BRIP1: variants seen among roughly 807,000 people sequenced by gnomAD.
BRIP1 encodes BRCA1 interacting DNA helicase 1.
A neutral mutation model predicts 119.7 loss-of-function variants in BRIP1; 88 were observed. The ratio of observed to expected loss-of-function variants is 0.74; its 90% CI spans 0.62 to 0.88. BRIP1 has a LOEUF of 0.88. Among genes scored for constraint, BRIP1 ranks in the 40% least tolerant of loss-of-function variants. BRIP1 has a pLI of 0.00. For missense variants in BRIP1, 1,259 were observed against 1,455.4 expected, an observed-to-expected ratio of 0.87 and a Z score of 2.20; for synonymous variants, 443 against 496.5, an observed-to-expected ratio of 0.89 and a Z score of 1.43.
At chr17:61,728,362 A>G (rs570112480) in intron 16 of BRIP1, among the ~76,000 whole-genome samples, 1 of 152,076 alleles carries the variant, frequency 6.6e-6, no homozygotes, top group East Asian at 1.9e-4. Context: ...CACCTGTCAG[A>G]GAAACTGCCT....
rs1270841086 is a variant in BRIP1 at position 61,759,411 on chromosome 17, C to T, written c.2098-14820G>A. Among the ~76,000 whole-genome samples the T allele has an allele frequency of 6.6e-6, 1 of 151,964 alleles. No individual in the cohort carries two copies. The highest frequency in any genetic ancestry group is 2.4e-5 in the African/African-American group (1 of 41,384). ...TACACATGCACCTAACATCAAAGTA[C>T]CTAAATATATAAAGCAAGTATTAAA... On this transcript the variant is annotated intron_variant, in intron 14 of 19. Transcript: ENST00000259008. This position sits in a 1 kb window ranked among gnomAD's most constrained non-coding sequence, Gnocchi z 4.9.
chr17:61,721,886 TTTTG>T (rs200725187), intron 16 of BRIP1, among the ~76,000 whole-genome samples: 45 of 147,276 alleles, frequency 3.1e-4, no homozygotes, highest in East Asian at 6.2e-4. Context: ...TATATATATT[TTTTG>T]TTTGTTTGTT....
rs1240805744 is a variant in BRIP1, at chr17:61,687,971, C to T, written c.2576-1806G>A. Among the ~76,000 whole-genome samples the T allele has an allele frequency of 1.3e-5, 2 of 152,164 alleles. No homozygotes were observed. The highest frequency in any genetic ancestry group is 2.4e-5 in the African/African-American group (1 of 41,422). On this transcript the variant is annotated intron_variant, in intron 18 of 19. Coordinates refer to ENST00000259008, the MANE Select transcript of BRIP1 (RefSeq NM_032043.3). The surrounding 1 kb of genome is among the most constrained non-coding windows in gnomAD (Gnocchi z 5.1). ...GCCCAGGGGCCACTAAGAACAAAAG[C>T]GCTGTGCAGCAAGTTTCTGCTCCAC...
rs2076764970 is a variant in BRIP1, at chr17:61,726,267, A to C, written c.2380-10204T>G. ...AGACTGTGTGCCAACCTTACCTTAGAGAATTGGTTGAAGAAATAAATGACA... is the reference window on the plus strand; with the variant it reads ...AGACTGTGTGCCAACCTTACCTTAGCGAATTGGTTGAAGAAATAAATGACA... On this transcript the variant is annotated intron_variant, in intron 16 of 19. Transcript: ENST00000259008. The surrounding 1 kb of genome is among the most constrained non-coding windows in gnomAD (Gnocchi z 6.2). Among the ~76,000 whole-genome samples, 1 of 152,348 alleles carries C rather than the reference A, an allele frequency of 6.6e-6. No individual in the cohort carries two copies. The highest frequency in any genetic ancestry group is 1.9e-4 in the East Asian group (1 of 5,188).
rs550152724 is a variant in BRIP1 at position 61,736,135 on chromosome 17, G to A, written c.2379+6878C>T. 6.6e-6 allele frequency among the ~76,000 whole-genome samples: 1 copy of A among 151,226 alleles called. No homozygotes were observed. The highest frequency in any genetic ancestry group is 2.4e-5 in the African/African-American group (1 of 41,092). On this transcript the variant is annotated intron_variant, in intron 16 of 19. Coordinates refer to ENST00000259008, the MANE Select transcript of BRIP1 (RefSeq NM_032043.3). This position sits in a 1 kb window ranked among gnomAD's most constrained non-coding sequence, Gnocchi z 4.4. ...AAGGCCAGGAGTTCAAGGCCAGCTT[G>A]TACAACATAGCAAGACCTCGCCTCT...
At position 61,809,345 on chromosome 17, in the gene BRIP1, G is replaced by A. The variant is rs2078127889; in HGVS notation, c.628-588C>T. Among the ~76,000 whole-genome samples the A allele has an allele frequency of 1.3e-5, 2 of 152,258 alleles. No individual in the cohort carries two copies. The highest frequency in any genetic ancestry group is 3.9e-4 in the East Asian group (2 of 5,192). On this transcript the variant is annotated intron_variant, in intron 6 of 19. Transcript: ENST00000259008. The surrounding 1 kb of genome is among the most constrained non-coding windows in gnomAD (Gnocchi z 5.2). ...TATTAATATTTAATAATGAAAGCAG[G>A]TTGCTTGTGTGGAACAAGTATATCT...
rs2061591738 is a variant in BRIP1 at position 61,700,139 on chromosome 17, G to A, written c.2493-6627C>T. On this transcript the variant is annotated intron_variant, in intron 17 of 19. Transcript: ENST00000259008. The surrounding 1 kb of genome is among the most constrained non-coding windows in gnomAD (Gnocchi z 4.1). ...CAAGTGAATTGCTGAACCTGAAGGTGGTCTTGGCAACCCACAAGACAATCA... is the reference window on the plus strand; with the variant it reads ...CAAGTGAATTGCTGAACCTGAAGGTAGTCTTGGCAACCCACAAGACAATCA... Among the ~76,000 whole-genome samples the A allele has an allele frequency of 6.6e-6, 1 of 152,058 alleles. No homozygotes were observed. The highest frequency in any genetic ancestry group is 2.4e-5 in the African/African-American group (1 of 41,398).
At position 61,684,258 on chromosome 17, in the gene BRIP1, G is replaced by GC; in HGVS notation, c.2906-119dup. 8.6e-7 allele frequency: 1 copy of GC among 1,161,914 alleles called. No homozygotes were observed. Among genetic ancestry groups the GC allele is most frequent in the Non-Finnish European group, 1.2e-6 (1 of 836,218 alleles). 72.0% of individuals were successfully genotyped at this position (1,161,914 alleles called of 1,614,324 possible). On this transcript the variant is annotated intron_variant, in intron 19 of 19. Transcript: ENST00000259008. The surrounding 1 kb of genome is among the most constrained non-coding windows in gnomAD (Gnocchi z 4.5). ...AACTGTATAGGATACATAACTTAGA[G>GC]CCCCCAACGAATACTAGTGGATTTT... is the stretch of plus-strand genomic sequence containing the variant.
intron 13 of BRIP1, among the ~76,000 whole-genome samples, chr17:61,779,892 G>A (rs1212531997): frequency 2.0e-5 from 3 of 152,088 alleles, no homozygotes; most frequent in African/African-American, 7.2e-5. Flanking sequence ...AGTGAGCCAA[G>A]ATCACACCAC....
chr17:61,705,187 T>C lies in BRIP1; in HGVS notation c.2492+10764A>G, dbSNP rs1009528869. Among the ~76,000 whole-genome samples the C allele has an allele frequency of 2.0e-5, 3 of 152,106 alleles. No individual in the cohort carries two copies. The highest frequency in any genetic ancestry group is 4.4e-5 in the Non-Finnish European group (3 of 67,982). Reference sequence around the variant, plus strand: ...TCTCCCATTTATAAGTGGGAACATATGGTATTTGGTTTTCTGTTTCTGTGT... The same window carrying C: ...TCTCCCATTTATAAGTGGGAACATACGGTATTTGGTTTTCTGTTTCTGTGT... On this transcript the variant is annotated intron_variant, in intron 17 of 19. Coordinates refer to ENST00000259008, the MANE Select transcript of BRIP1 (RefSeq NM_032043.3). This position sits in a 1 kb window ranked among gnomAD's most constrained non-coding sequence, Gnocchi z 5.0.
At position 61,769,880 on chromosome 17, in the gene BRIP1, G is replaced by A. The variant is rs2077422866; in HGVS notation, c.2097+6521C>T. Among the ~76,000 whole-genome samples the A allele has an allele frequency of 6.6e-6, 1 of 152,160 alleles. No homozygotes were observed. ...AGATAAAATGTGAACTAGTTTATAAGTGAGAAACTCCTAGGGGCTGCAGTC... is the reference window on the plus strand; with the variant it reads ...AGATAAAATGTGAACTAGTTTATAAATGAGAAACTCCTAGGGGCTGCAGTC... On this transcript the variant is annotated intron_variant, in intron 14 of 19. Transcript: ENST00000259008. The surrounding 1 kb of genome is among the most constrained non-coding windows in gnomAD (Gnocchi z 4.9).
intron 17 of BRIP1, among the ~76,000 whole-genome samples, chr17:61,697,411 GTCTA>G (rs1471388738): frequency 1.4e-5 from 2 of 140,458 alleles, no homozygotes; most frequent in Non-Finnish European, 3.1e-5. Context: ...AGTATTTTGT[GTCTA>G]TCTATGAATT....
At chr17:61,855,139 T>C (rs1226210720) in intron 4 of BRIP1, among the ~76,000 whole-genome samples, 1 of 152,112 alleles carries the variant, frequency 6.6e-6, no homozygotes, top group Non-Finnish European at 1.5e-5. Context: ...GAAAGAGGGA[T>C]AACAAAAGTC....
rs374318992 is a variant in BRIP1 at position 61,682,045 on chromosome 17, A to G, written c.*1251T>C. 9.8e-6 allele frequency: 2 copies of G among 203,564 alleles called. No individual in the cohort carries two copies. The highest frequency in any genetic ancestry group is 2.3e-5 in the African/African-American group (1 of 43,776). 12.6% of individuals were successfully genotyped at this position (203,564 alleles called of 1,614,324 possible). A position where few individuals can be genotyped will look rare whatever the true frequency, so the allele number is the denominator to read the frequency against. On this transcript the variant is annotated 3_prime_UTR_variant, in exon 20 of 20. Transcript: ENST00000259008. This position sits in a 1 kb window ranked among gnomAD's most constrained non-coding sequence, Gnocchi z 4.9. ...ATGATGTCAGAGATGAGCCTCTTTT[A>G]TAATCATTTTTGATTAGACATATAG...
At chr17:61,840,324 T>G (rs1603358348) in intron 6 of BRIP1, among the ~76,000 whole-genome samples, 1 of 122,052 alleles carries the variant, frequency 8.2e-6, no homozygotes. Flanking sequence ...CCCACTGCAC[T>G]CCATCCTGGG....
At chr17:61,765,379 T>TAATA (rs1191564195) in intron 14 of BRIP1, among the ~76,000 whole-genome samples, 1 of 37,740 alleles carries the variant, frequency 2.6e-5, no homozygotes, top group East Asian at 8.5e-4. Flanking sequence ...TGTGTATATA[T>TAATA]TATATATATA....
Position 61,798,977 on chromosome 17 carries a change from G to A in BRIP1, c.1340+123C>T. ...TTGTTTTTAAAGCTTAACTGGCAAG[G>A]AACAATTCATTTCCCAAGAAGCCTA... On this transcript the variant is annotated intron_variant, in intron 9 of 19. Transcript: ENST00000259008. This position sits in a 1 kb window ranked among gnomAD's most constrained non-coding sequence, Gnocchi z 5.5. 1 of 894,922 alleles carries A rather than the reference G, an allele frequency of 1.1e-6. No individual in the cohort carries two copies. The highest frequency in any genetic ancestry group is 1.8e-6 in the Non-Finnish European group (1 of 552,336). 55.4% of individuals were successfully genotyped at this position (894,922 alleles called of 1,614,324 possible).
chr17:61,799,557 G>C lies in BRIP1; in HGVS notation c.1141-258C>G, dbSNP rs1487371518. Reference sequence around the variant, plus strand: ...TATCGACAGCAACAAAAATATGTCAGTGAGTCTGGATCAAGGTACCACAGG... The same window carrying C: ...TATCGACAGCAACAAAAATATGTCACTGAGTCTGGATCAAGGTACCACAGG... On this transcript the variant is annotated intron_variant, in intron 8 of 19. Transcript: ENST00000259008. This position sits in a 1 kb window ranked among gnomAD's most constrained non-coding sequence, Gnocchi z 5.1. Among the ~76,000 whole-genome samples, 1 of 152,064 alleles carries C rather than the reference G, an allele frequency of 6.6e-6. No homozygotes were observed. Among genetic ancestry groups the C allele is most frequent in the East Asian group, 1.9e-4 (1 of 5,196 alleles).
rs1391636759 is a variant in BRIP1, at chr17:61,755,461, A to C, written c.2098-10870T>G. 6.6e-6 allele frequency among the ~76,000 whole-genome samples: 1 copy of C among 152,144 alleles called. No homozygotes were observed. The highest frequency in any genetic ancestry group is 1.5e-5 in the Non-Finnish European group (1 of 68,022). On this transcript the variant is annotated intron_variant, in intron 14 of 19. Coordinates refer to ENST00000259008, the MANE Select transcript of BRIP1 (RefSeq NM_032043.3). This position sits in a 1 kb window ranked among gnomAD's most constrained non-coding sequence, Gnocchi z 4.5. ...GTGATCCCAGTTACTCAGGAGGCTG[A>C]GGTGGGAGGACTGCTTGAGCCCTGG... is the stretch of plus-strand genomic sequence containing the variant.
Sources: allele counts gnomAD v4.1 joint callset (sites outside exome capture counted in the v4.1 genomes callset), GRCh38; gene constraint gnomAD v4.1.1; non-coding constraint Gnocchi (gnomAD v3.1); transcripts MANE v1.5; gene names NCBI Gene and HGNC (gene_info 2026-07-23, HGNC 2026-07-21).